The following LPAR1 variants were observed in gnomAD, a reference collection of about 807,000 sequenced individuals.
LPAR1 encodes the protein lysophosphatidic acid receptor 1.
LPAR1 carries 5 observed loss-of-function variants against 23.8 expected under a neutral mutation model. The observed-to-expected ratio is 0.21, with a 90% confidence interval of 0.11 to 0.44. LPAR1 has a LOEUF of 0.44. Among genes scored for constraint, LPAR1 ranks in the 20% least tolerant of loss-of-function variants. The pLI is 0.99. For missense variants in LPAR1, 311 were observed against 482.8 expected (o/e 0.64, Z 3.33); for synonymous variants, 160 against 164.7 (o/e 0.97, Z 0.22).
chr9:111,006,673 C>A (rs2097223050), intron 2 of LPAR1, among the ~76,000 whole-genome samples: 1 of 152,020 alleles, frequency 6.6e-6, no homozygotes, highest in East Asian at 1.9e-4. Flanking sequence ...AGGTATAAAT[C>A]TTTATAGCAC....
chr9:110,941,338 T>C lies in LPAR1; in HGVS notation c.793+83A>G. Reference sequence around the variant, plus strand: ...ATTACCTGGTGAATATTCATACTGTTGGTTACCTCTGACATAAAATAATGT... The same window carrying C: ...ATTACCTGGTGAATATTCATACTGTCGGTTACCTCTGACATAAAATAATGT... On this transcript the variant is annotated intron_variant, in intron 5 of 5. Transcript: ENST00000683809. This position sits in a 1 kb window ranked among gnomAD's most constrained non-coding sequence, Gnocchi z 6.1. 7.9e-7 allele frequency: 1 copy of C among 1,260,922 alleles called. No individual in the cohort carries two copies. Among genetic ancestry groups the C allele is most frequent in the South Asian group, 1.4e-5 (1 of 69,790 alleles). The allele number at this position is 1,260,922 out of a possible 1,614,324, so 78.1% of individuals were successfully genotyped here.
intron 2 of LPAR1, among the ~76,000 whole-genome samples, chr9:110,986,492 C>G (rs976232961): frequency 2.6e-5 from 4 of 151,862 alleles, no homozygotes; most frequent in Admixed American, 2.0e-4. Context: ...ATTGCTTGAG[C>G]CCAGGAGTTT....
rs2095825441 is a variant in LPAR1, at chr9:110,958,165, A to G, written c.45+13908T>C. On this transcript the variant is annotated intron_variant, in intron 4 of 5. Coordinates refer to ENST00000683809, the MANE Select transcript of LPAR1 (RefSeq NM_001351411.2). ...ATGATCACACTACCCAAAGCAATCT[A>G]CAGATTCAATGCAATCTCTATCAAA... Among the ~76,000 whole-genome samples, 6 of 152,208 alleles carry G rather than the reference A, an allele frequency of 3.9e-5. No individual in the cohort carries two copies. The South Asian group carries it at 1.2e-3, about 32-fold the overall frequency.
chr9:110,936,314 C>A (rs919826192), intron 5 of LPAR1, among the ~76,000 whole-genome samples: 4 of 152,214 alleles, frequency 2.6e-5, no homozygotes, highest in Non-Finnish European at 4.4e-5. Context: ...CAAATTAAAT[C>A]TTTCATCAGA....
intron 2 of LPAR1, among the ~76,000 whole-genome samples, chr9:111,034,645 C>A (rs1442542681): frequency 1.3e-5 from 2 of 152,184 alleles, no homozygotes; most frequent in Non-Finnish European, 2.9e-5. Flanking sequence ...TGTCTTAAAA[C>A]GTAGCAGCCA....
At chr9:110,982,311 T>C (rs1157485542) in intron 2 of LPAR1, among the ~76,000 whole-genome samples, 1 of 151,992 alleles carries the variant, frequency 6.6e-6, no homozygotes, top group Non-Finnish European at 1.5e-5. Context: ...AATGGATGAG[T>C]TTATGTCCTT....
At position 110,957,104 on chromosome 9, in the gene LPAR1, A is replaced by T. The variant is rs924583651; in HGVS notation, c.46-14936T>A. ...TATACCACGTTGGGCTCAGTGGCTCATGCCCGTAATCCCAGAATTTTGGGA... is the reference window on the plus strand; with the variant it reads ...TATACCACGTTGGGCTCAGTGGCTCTTGCCCGTAATCCCAGAATTTTGGGA... On this transcript the variant is annotated intron_variant, in intron 4 of 5. Coordinates refer to ENST00000683809, the MANE Select transcript of LPAR1 (RefSeq NM_001351411.2). Among the ~76,000 whole-genome samples, 10 of 152,114 alleles carry T rather than the reference A, an allele frequency of 6.6e-5. No homozygotes were observed. In the East Asian group the frequency reaches 1.9e-3, roughly 29 times the overall value.
At chr9:110,967,143 T>C (rs1189302158) in intron 4 of LPAR1, among the ~76,000 whole-genome samples, 1 of 152,186 alleles carries the variant, frequency 6.6e-6, no homozygotes, top group East Asian at 1.9e-4. Flanking sequence ...GAATTATAAA[T>C]CGGTTACAAA....
intron 5 of LPAR1, among the ~76,000 whole-genome samples, chr9:110,922,687 A>T (rs2093708518): frequency 6.6e-6 from 1 of 151,918 alleles, no homozygotes; most frequent in African/African-American, 2.4e-5. Flanking sequence ...GGGGCACTGT[A>T]AAAAAACTGA....
intron 2 of LPAR1, among the ~76,000 whole-genome samples, chr9:110,979,905 AAG>A (rs571479173): frequency 8.3e-4 from 127 of 152,286 alleles, no homozygotes; most frequent in African/African-American, 2.9e-3. Context: ...GTAGTATATC[AAG>A]AGGAGATTTG....
chr9:110,915,745 A>G (rs572859567), intron 5 of LPAR1, among the ~76,000 whole-genome samples: 5 of 152,352 alleles, frequency 3.3e-5, no homozygotes, highest in African/African-American at 1.2e-4. Flanking sequence ...ATGAAGATGT[A>G]AATGGATATG....
chr9:110,946,994 T>A (rs2095406395), intron 4 of LPAR1, among the ~76,000 whole-genome samples: 1 of 150,416 alleles, frequency 6.6e-6, no homozygotes, highest in African/African-American at 2.4e-5. Context: ...ATATGCTGAT[T>A]CAAAAACCAC....
intron 5 of LPAR1, among the ~76,000 whole-genome samples, chr9:110,935,484 A>C (rs2094640014): frequency 6.6e-6 from 1 of 152,138 alleles, no homozygotes; most frequent in Non-Finnish European, 1.5e-5. Flanking sequence ...GAAAAACTAA[A>C]AGAGAACCTA....
chr9:110,935,903 C>T (rs2094678635), intron 5 of LPAR1, among the ~76,000 whole-genome samples: 1 of 152,198 alleles, frequency 6.6e-6, no homozygotes, highest in Non-Finnish European at 1.5e-5. Flanking sequence ...GGTTTTGACC[C>T]TCTTGTCAAA....
At position 111,017,837 on chromosome 9, in the gene LPAR1, T is replaced by C. The variant is rs1010723251; in HGVS notation, c.-182+18285A>G. Among the ~76,000 whole-genome samples, 6 of 151,982 alleles carry C rather than the reference T, an allele frequency of 3.9e-5. No homozygotes were observed. In the East Asian group the frequency reaches 5.8e-4, roughly 15 times the overall value. ...GAGATTGAGACCATCCTGGCCAACA[T>C]GGTGAAACCTATCTCTACTAAAAAT... is the stretch of plus-strand genomic sequence containing the variant. On this transcript the variant is annotated intron_variant, in intron 2 of 5. Transcript: ENST00000683809.
chr9:111,021,963 CAAAAAAAAAAAA>C (rs3030187), intron 2 of LPAR1, among the ~76,000 whole-genome samples: 1 of 69,842 alleles, frequency 1.4e-5, no homozygotes, highest in Non-Finnish European at 2.5e-5. Context: ...GACTCCGTCA[CAAAAAAAAAAAA>C]AAAAAAAAAA....
chr9:111,016,872 C>T (rs1223449314), intron 2 of LPAR1, among the ~76,000 whole-genome samples: 4 of 152,176 alleles, frequency 2.6e-5, no homozygotes, highest in Admixed American at 6.5e-5. Context: ...AAGCAATTGG[C>T]ATTATGCCAT....
At chr9:110,943,062 GAAT>G (rs1243216585) in intron 4 of LPAR1, among the ~76,000 whole-genome samples, 7 of 147,180 alleles carry the variant, frequency 4.8e-5, no homozygotes, top group African/African-American at 9.9e-5. Flanking sequence ...GTTTAAAACA[GAAT>G]AATATATGTT....
intron 5 of LPAR1, among the ~76,000 whole-genome samples, chr9:110,923,828 T>C (rs1393094772): frequency 6.6e-6 from 1 of 152,184 alleles, no homozygotes; most frequent in African/African-American, 2.4e-5. Flanking sequence ...AGTAACACTG[T>C]TAATCACCAC....
Sources: allele counts gnomAD v4.1 joint callset (sites outside exome capture counted in the v4.1 genomes callset), GRCh38; gene constraint gnomAD v4.1.1; non-coding constraint Gnocchi (gnomAD v3.1); transcripts MANE v1.5; gene names NCBI Gene and HGNC (gene_info 2026-07-23, HGNC 2026-07-21).